The following SYN3 variants were observed in gnomAD, a reference collection of about 807,000 sequenced individuals.
SYN3 encodes synapsin-3.
A neutral mutation model predicts 65.8 loss-of-function variants in SYN3; 35 were observed. That is an observed-to-expected ratio of 0.53 (90% confidence interval 0.41 to 0.70). SYN3 has a LOEUF of 0.70. Ranked by LOEUF, SYN3 falls within the 30% of genes least tolerant of loss-of-function variation. The probability of loss-of-function intolerance (pLI) is 0.00; values close to 1 mark genes in which losing one functional copy is unlikely to be tolerated. For synonymous variants in SYN3, 270 were observed against 292.9 expected (o/e 0.92, Z 0.80); for missense variants, 680 against 749.0 (o/e 0.91, Z 1.08).
chr22:32,992,697 C>T (rs941041370), intron 2 of SYN3, among the ~76,000 whole-genome samples: 6 of 152,174 alleles, frequency 3.9e-5, no homozygotes, highest in Non-Finnish European at 8.8e-5. Context: ...CCTGTAGTCC[C>T]AGCTACTGGG....
At chr22:33,028,528 C>T (rs2053677363) in intron 1 of SYN3, among the ~76,000 whole-genome samples, 2 of 152,166 alleles carry the variant, frequency 1.3e-5, no homozygotes, top group African/African-American at 4.8e-5. Flanking sequence ...AGATTTATAG[C>T]CTGTAATTTC....
intron 6 of SYN3, among the ~76,000 whole-genome samples, chr22:32,851,611 C>T (rs1466007626): frequency 3.3e-5 from 5 of 152,150 alleles, no homozygotes; most frequent in Non-Finnish European, 7.4e-5. Context: ...TAGGATCCCT[C>T]GTCTTACTTC....
At chr22:32,910,009 G>A (rs972282291) in intron 4 of SYN3, among the ~76,000 whole-genome samples, 20 of 152,182 alleles carry the variant, frequency 1.3e-4, no homozygotes, top group Non-Finnish European at 2.4e-4. Flanking sequence ...CATTCTCTGG[G>A]TTGGCACTGG....
intron 2 of SYN3, among the ~76,000 whole-genome samples, chr22:33,001,746 A>G (rs778565732): frequency 2.0e-5 from 3 of 152,226 alleles, no homozygotes; most frequent in Non-Finnish European, 4.4e-5. Context: ...TAACTCTATG[A>G]CATAGGTACT....
At chr22:33,044,104 C>T (rs1386795556) in intron 1 of SYN3, among the ~76,000 whole-genome samples, 1 of 151,296 alleles carries the variant, frequency 6.6e-6, no homozygotes. Context: ...GAGGATGCAA[C>T]AACCTAGCAG....
intron 3 of SYN3, among the ~76,000 whole-genome samples, chr22:32,965,855 C>T (rs933626337): frequency 2.0e-5 from 3 of 152,066 alleles, no homozygotes; most frequent in African/African-American, 4.8e-5. Context: ...CCACCACACC[C>T]GGCTAATTTT....
At chr22:32,644,557 C>T (rs2059956723) in intron 6 of SYN3, among the ~76,000 whole-genome samples, 1 of 152,200 alleles carries the variant, frequency 6.6e-6, no homozygotes, top group African/African-American at 2.4e-5. Context: ...AGGAAGTGTG[C>T]TGGGCTGGCG....
chr22:32,762,853 G>A lies in SYN3; in HGVS notation c.711+102062C>T, dbSNP rs1000835417. Among the ~76,000 whole-genome samples the A allele has an allele frequency of 2.1e-5, 3 of 140,490 alleles. No homozygotes were observed. The Admixed American group carries it at 2.2e-4, about 10-fold the overall frequency. The allele number at this position is 140,490 out of a possible 152,430, so 92.2% of individuals were successfully genotyped here. On this transcript the variant is annotated intron_variant, in intron 6 of 13. Coordinates refer to ENST00000358763, the MANE Select transcript of SYN3 (RefSeq NM_003490.4). ...AAGGAAAATAGTAATCATCTCAAAG[G>A]GCTGTTGAGAGAATGCACAGGGAAG...
intron 7 of SYN3, among the ~76,000 whole-genome samples, chr22:32,548,340 C>T (rs1214667007): frequency 6.6e-6 from 1 of 152,148 alleles, no homozygotes; most frequent in Non-Finnish European, 1.5e-5. Flanking sequence ...CTGGCTGAGC[C>T]ATGGTGCCTA....
At chr22:32,529,759 G>A (rs761692647) in intron 10 of SYN3, among the ~76,000 whole-genome samples, 3 of 152,170 alleles carry the variant, frequency 2.0e-5, no homozygotes, top group Admixed American at 6.5e-5. Context: ...GCGCATCTGC[G>A]GAACAGCTGG....
intron 3 of SYN3, among the ~76,000 whole-genome samples, chr22:32,955,495 A>T (rs1476883976): frequency 6.6e-6 from 1 of 152,174 alleles, no homozygotes; most frequent in Non-Finnish European, 1.5e-5. Flanking sequence ...CACTTGCTTG[A>T]TATTTTAAAG....
chr22:32,810,763 G>T lies in SYN3; in HGVS notation c.711+54152C>A, dbSNP rs528443216. Among the ~76,000 whole-genome samples the T allele has an allele frequency of 4.1e-4, 62 of 152,268 alleles. No individual in the cohort carries two copies. The South Asian group carries it at 8.1e-3, about 20-fold the overall frequency. On this transcript the variant is annotated intron_variant, in intron 6 of 13. Coordinates refer to ENST00000358763, the MANE Select transcript of SYN3 (RefSeq NM_003490.4). ...TGGGGATGGTGAGTTTCGCAACCAG[G>T]GTCAGATTTCATGAAGACTTGGTTT...
At chr22:32,813,501 AC>A (rs1259905341) in intron 6 of SYN3, among the ~76,000 whole-genome samples, 11 of 148,246 alleles carry the variant, frequency 7.4e-5, no homozygotes, top group African/African-American at 2.8e-4. Flanking sequence ...ACACACACAC[AC>A]ACACACACAC....
At chr22:32,978,781 C>T (rs114702279) in intron 3 of SYN3, among the ~76,000 whole-genome samples, 1,899 of 152,282 alleles carry the variant, frequency 0.012, 30 homozygotes, top group African/African-American at 0.042. Flanking sequence ...TCCTCAGCAA[C>T]AGGCATACTG....
chr22:32,665,111 T>C lies in SYN3; in HGVS notation c.712-68375A>G, dbSNP rs915378711. Among the ~76,000 whole-genome samples the C allele has an allele frequency of 3.1e-3, 465 of 149,370 alleles. 1 individual carries two copies. The highest frequency in any genetic ancestry group is 0.011 in the African/African-American group (458 of 40,408). The stretch of plus-strand genomic sequence containing the variant: ...CCTCCTGGTTCAAGGGATTCTCATG[T>C]CTCAGCCTCCCACATACCTGGGACT... On this transcript the variant is annotated intron_variant, in intron 6 of 13. Coordinates refer to ENST00000358763, the MANE Select transcript of SYN3 (RefSeq NM_003490.4).
At chr22:32,839,415 C>G (rs974788561) in intron 6 of SYN3, among the ~76,000 whole-genome samples, 26 of 152,080 alleles carry the variant, frequency 1.7e-4, no homozygotes, top group African/African-American at 5.8e-4. Context: ...CTCAGGGATT[C>G]TAATCATGCT....
intron 6 of SYN3, among the ~76,000 whole-genome samples, chr22:32,606,259 G>C (rs183688325): frequency 1.3e-5 from 2 of 152,192 alleles, no homozygotes; most frequent in Non-Finnish European, 2.9e-5. Flanking sequence ...CAGGGAGCGC[G>C]TTACGAAGCC....
intron 10 of SYN3, among the ~76,000 whole-genome samples, chr22:32,532,037 G>C (rs557751339): frequency 6.6e-6 from 1 of 152,214 alleles, no homozygotes; most frequent in Non-Finnish European, 1.5e-5. Context: ...GACCCGGAGA[G>C]GTAGGGGCTC....
At chr22:32,561,500 T>TG (rs1191644623) in intron 7 of SYN3, among the ~76,000 whole-genome samples, 1 of 152,056 alleles carries the variant, frequency 6.6e-6, no homozygotes, top group Non-Finnish European at 1.5e-5. Context: ...TGGAGGGACT[T>TG]GGGGGGTCCT....
Sources: allele counts gnomAD v4.1 joint callset (sites outside exome capture counted in the v4.1 genomes callset), GRCh38; gene constraint gnomAD v4.1.1; transcripts MANE v1.5; gene names NCBI Gene and HGNC (gene_info 2026-07-23, HGNC 2026-07-21).